The following AOC3 variants were observed in gnomAD, a reference collection of about 807,000 sequenced individuals.
AOC3 encodes the protein amine oxidase [copper-containing] 3.
Under a neutral mutation model 55.4 loss-of-function variants are expected in AOC3, and 47 were observed. That is an observed-to-expected ratio of 0.85 (90% CI 0.67 to 1.08). The LOEUF (loss-of-function observed/expected upper bound fraction) is 1.08. AOC3 is among the 50% of genes least tolerant of loss of function. The probability of loss-of-function intolerance (pLI) is 0.00; values close to 1 mark genes in which losing one functional copy is unlikely to be tolerated. For synonymous variants in AOC3, 386 were observed against 410.7 expected (o/e 0.94, Z 0.73); for missense variants, 853 against 993.1 (o/e 0.86, Z 1.90).
rs913278167 is a variant in AOC3, at chr17:42,857,017, C to G, written c.*467C>G. On this transcript the variant is annotated 3_prime_UTR_variant, in exon 4 of 4. Coordinates refer to ENST00000308423, the MANE Select transcript of AOC3 (RefSeq NM_003734.4). ...TCCAGGTCCTTTCCTTCTCGTCTTC[C>G]TCTCTCTCACCTACTTCCTCCTCCT... is the stretch of plus-strand genomic sequence containing the variant. 1 of 164,368 alleles carries G rather than the reference C, an allele frequency of 6.1e-6. No individual in the cohort carries two copies. Among genetic ancestry groups the G allele is most frequent in the African/African-American group, 2.4e-5 (1 of 41,642 alleles). The allele number at this position is 164,368 out of a possible 1,614,324, so 10.2% of individuals were successfully genotyped here. A position where few individuals can be genotyped will look rare whatever the true frequency, so the allele number is the denominator to read the frequency against.
rs2055766649 is a variant in AOC3 at position 42,857,614 on chromosome 17, T to TAGTGGGGAGGGGCCTGGCCTG, written c.*1065_*1085dup. 1 of 152,228 alleles carries TAGTGGGGAGGGGCCTGGCCTG rather than the reference T, an allele frequency of 6.6e-6. No homozygotes were observed. The highest frequency in any genetic ancestry group is 2.4e-5 in the African/African-American group (1 of 41,406). The allele number at this position is 152,228 out of a possible 1,614,324, so 9.4% of individuals were successfully genotyped here. A position where few individuals can be genotyped will look rare whatever the true frequency, so the allele number is the denominator to read the frequency against. ...CCCTGGGTGAGGTGGGGGTCTGGCC[T>TAGTGGGGAGGGGCCTGGCCTG]AGTGGGGAGGGGCCTGGCCTGGGTG... is the stretch of plus-strand genomic sequence containing the variant. On this transcript the variant is annotated 3_prime_UTR_variant, in exon 4 of 4. Coordinates refer to ENST00000308423, the MANE Select transcript of AOC3 (RefSeq NM_003734.4).
In AOC3 at chr17:42,852,631, T is replaced by C. The variant is rs1235315477; in HGVS notation, c.1288T>C (p.Cys430Arg). 1 of 1,614,194 alleles carries C rather than the reference T, an allele frequency of 6.2e-7. No individual in the cohort carries two copies. ...CCCCAAGACAATACGTGATGCCTTT[T>C]GTGTGTTTGAACAGAACCAGGGCCT... ...QAPKTIRDAFCVFEQNQGLPL... is the reference protein window; with the variant it reads ...QAPKTIRDAFRVFEQNQGLPL... The change falls in exon 1 of 4, where the codon TGT becomes CGT. Residue 430 changes from cysteine to arginine, a missense_variant. Cys to Arg is a radical substitution (Grantham distance 180). Coordinates refer to ENST00000308423, the MANE Select transcript of AOC3 (RefSeq NM_003734.4).
At chr17:42,854,973 A>C (rs1435039256) in intron 2 of AOC3, among the ~76,000 whole-genome samples, 1 of 147,334 alleles carries the variant, frequency 6.8e-6, no homozygotes, top group Non-Finnish European at 1.5e-5. Context: ...CAGCCTCCCC[A>C]GTAGCTGGGA....
Position 42,854,649 on chromosome 17 carries a change from G to C in AOC3, c.1802G>C (p.Arg601Pro). The C allele has an allele frequency of 6.4e-7, 1 of 1,552,788 alleles. No homozygotes were observed. The highest frequency in any genetic ancestry group is 8.7e-7 in the Non-Finnish European group (1 of 1,144,990). The change falls in exon 2 of 4, where the codon CGG (arginine) becomes CCG (proline). Residue 601 changes from arginine (R) to proline (P), a missense_variant. Transcript: ENST00000308423. Reference sequence around the variant, plus strand: ...CACAGCAACAAGTGGGGTCACCCCCGGGGCTACCGCATCCAGATGCTCAGC... The same window carrying C: ...CACAGCAACAAGTGGGGTCACCCCCCGGGCTACCGCATCCAGATGCTCAGC... ...SNHSNKWGHP[R>P]GYRIQMLSFA...
chr17:42,852,710 C>A lies in AOC3; in HGVS notation c.1367C>A (p.Ala456Glu). The change falls in exon 1 of 4, where the codon GCG (alanine) becomes GAG (glutamate). Residue 456 changes from alanine (A) to glutamate (E), a missense_variant. By Grantham distance (107) the Ala-to-Glu change is moderately radical. Transcript: ENST00000308423. The stretch of plus-strand genomic sequence containing the variant: ...TACTCGCACTACTTTGGGGGTCTTG[C>A]GGAAACGGTGCTGGTCGTCAGATCT... ...DLYSHYFGGL[A>E]ETVLVVRSMS... The A allele has an allele frequency of 6.2e-7, 1 of 1,614,210 alleles. No individual in the cohort carries two copies. Among genetic ancestry groups the A allele is most frequent in the South Asian group, 1.1e-5 (1 of 91,080 alleles).
Position 42,856,734 on chromosome 17 carries a change from C to T in AOC3, c.*184C>T. 3 of 682,120 alleles carry T rather than the reference C, an allele frequency of 4.4e-6. No individual in the cohort carries two copies. Among genetic ancestry groups the T allele is most frequent in the Non-Finnish European group, 7.3e-6 (3 of 411,314 alleles). 42.3% of individuals were successfully genotyped at this position (682,120 alleles called of 1,614,324 possible). The stretch of plus-strand genomic sequence containing the variant: ...CCTCCTGACCCTGTGATGCCTGACA[C>T]AGGGGACACTGAACCTTGTTGATGC... On this transcript the variant is annotated 3_prime_UTR_variant, in exon 4 of 4. Transcript: ENST00000308423.
Position 42,851,949 on chromosome 17 carries a change from G to C in AOC3, c.606G>C (p.Lys202Asn), listed in dbSNP as rs760324086. The change falls in exon 1 of 4, where the codon AAG becomes AAC. Residue 202 changes from lysine to asparagine, a missense_variant. Transcript: ENST00000308423. Reference sequence around the variant, plus strand: ...TTCTCCACCACTGTTGCTTCTACAAGCACCGGGGACGGAACCTGGTGACAA... The same window carrying C: ...TTCTCCACCACTGTTGCTTCTACAACCACCGGGGACGGAACCTGGTGACAA... ...SGLLHHCCFY[K>N]HRGRNLVTMT... is the part of the protein sequence containing the mutation. The C allele has an allele frequency of 6.2e-7, 1 of 1,613,780 alleles. No individual in the cohort carries two copies. The highest frequency in any genetic ancestry group is 1.1e-5 in the South Asian group (1 of 91,080).
intron 1 of AOC3, 87 bp downstream of exon 1, chr17:42,853,030 A>G (rs2144296634): frequency 6.8e-7 from 1 of 1,472,404 alleles, no homozygotes; most frequent in Non-Finnish European, 9.1e-7. Context: ...AGATTATCCC[A>G]GAAAGGAAGA....
chr17:42,852,575 T>A lies in AOC3; in HGVS notation c.1232T>A (p.Val411Glu). ...GVDCPYLATY[V>E]DWHFLLESQA... The stretch of plus-strand genomic sequence containing the variant: ...GACTGCCCCTACTTGGCCACCTACG[T>A]GGACTGGCACTTCCTTTTGGAGTCC... The change falls in exon 1 of 4, where the codon GTG becomes GAG. Residue 411 changes from valine to glutamate, a missense_variant. By Grantham distance (121) the Val-to-Glu change is moderately radical (BLOSUM62 -2). Transcript: ENST00000308423. The A allele has an allele frequency of 6.2e-7, 1 of 1,614,228 alleles. No homozygotes were observed. The highest frequency in any genetic ancestry group is 8.5e-7 in the Non-Finnish European group (1 of 1,180,032).
Position 42,854,502 on chromosome 17 carries a change from C to G in AOC3, c.1655C>G (p.Pro552Arg). The change falls in exon 2 of 4, where the codon CCC becomes CGC. Residue 552 changes from proline (P) to arginine (R), a missense_variant. By Grantham distance (103) the Pro-to-Arg change is moderately radical. Transcript: ENST00000308423. ...ATGGTCTTTGTCCCCATGGCTGTGC[C>G]CTGGAGCCCTGAGCACCAGCTGCAG... is the stretch of plus-strand genomic sequence containing the variant. ...EDMVFVPMAVPWSPEHQLQRL... is the reference protein window; with the variant it reads ...EDMVFVPMAVRWSPEHQLQRL... The G allele has an allele frequency of 1.2e-6, 2 of 1,601,458 alleles. No homozygotes were observed. The highest frequency in any genetic ancestry group is 1.7e-5 in the Admixed American group (1 of 59,024).
rs772365934 is a variant in AOC3 at position 42,855,528 on chromosome 17, T to A, written c.1971T>A (p.Thr657=). Residue 657 remains threonine, a synonymous_variant, in exon 3 of 4, where the codon ACT becomes ACA. Transcript: ENST00000308423. Reference sequence around the variant, plus strand: ...ATCAGAATGACCCTTGGGCCCCCACTGTGGATTTCAGTGACTTCATCAACA... The same window carrying A: ...ATCAGAATGACCCTTGGGCCCCCACAGTGGATTTCAGTGACTTCATCAACA... ...VFNQNDPWAP[T]VDFSDFINNE... is the part of the protein sequence containing the mutation. 1 of 1,614,096 alleles carries A rather than the reference T, an allele frequency of 6.2e-7. No individual in the cohort carries two copies. The highest frequency in any genetic ancestry group is 8.5e-7 in the Non-Finnish European group (1 of 1,180,016).
At position 42,851,273 on chromosome 17, in the gene AOC3, G is replaced by GC. The variant is rs918260845; in HGVS notation, c.-66dup. The GC allele has an allele frequency of 5.4e-6, 8 of 1,494,858 alleles. No homozygotes were observed. In the African/African-American group the frequency reaches 9.8e-5, roughly 18 times the overall value. 92.6% of individuals were successfully genotyped at this position (1,494,858 alleles called of 1,614,324 possible). ...CCCACCCCGTCCAGGAGCCAACAGA[G>GC]CCCCCGTCTTGCTGGCGTGAGAATA... On this transcript the variant is annotated 5_prime_UTR_variant, in exon 1 of 4. Coordinates refer to ENST00000308423, the MANE Select transcript of AOC3 (RefSeq NM_003734.4).
rs1246954110 is a variant in AOC3, at chr17:42,852,235, G to A, written c.892G>A (p.Gly298Arg). The A allele has an allele frequency of 1.2e-6, 2 of 1,613,530 alleles. No individual in the cohort carries two copies. The highest frequency in any genetic ancestry group is 1.7e-6 in the Non-Finnish European group (2 of 1,179,892). Residue 298 changes from glycine to arginine, a missense_variant, in exon 1 of 4, where the codon GGG becomes AGG. By Grantham distance (125) the Gly-to-Arg change is moderately radical. Transcript: ENST00000308423. ...GCTGATCCCAGACAATGGCACAGGTGGGTCCTGGTCCCTGAAGTCCCCTGT... is the reference window on the plus strand; with the variant it reads ...GCTGATCCCAGACAATGGCACAGGTAGGTCCTGGTCCCTGAAGTCCCCTGT... Reference protein sequence around the residue: ...VVLIPDNGTGGSWSLKSPVPP... With the variant: ...VVLIPDNGTGRSWSLKSPVPP...
At chr17:42,854,949 C>T (rs763534243) in intron 2 of AOC3, among the ~76,000 whole-genome samples, 10 of 151,020 alleles carry the variant, frequency 6.6e-5, no homozygotes, top group Non-Finnish European at 1.3e-4. Context: ...CAGTTTCAAG[C>T]GATTCTCCTG....
rs35696523 is a variant in AOC3 at position 42,853,179 on chromosome 17, C to G, written c.1600+236C>G. 4.2e-3 allele frequency: 5,793 copies of G among 1,366,078 alleles called. 192 individuals are homozygous for G. The African/African-American group carries it at 0.074, about 17-fold the overall frequency. The allele number at this position is 1,366,078 out of a possible 1,614,324, so 84.6% of individuals were successfully genotyped here. On this transcript the variant is annotated intron_variant, in intron 1 of 3. Coordinates refer to ENST00000308423, the MANE Select transcript of AOC3 (RefSeq NM_003734.4). ...TCATCCAAAGATCTTGGGAAATGGCCGAGCTCAGGGAGGAGGCAGGATTTG... is the reference window on the plus strand; with the variant it reads ...TCATCCAAAGATCTTGGGAAATGGCGGAGCTCAGGGAGGAGGCAGGATTTG...
chr17:42,854,660 A>T lies in AOC3; in HGVS notation c.1813A>T (p.Ile605Phe). 6.5e-7 allele frequency: 1 copy of T among 1,537,252 alleles called. No homozygotes were observed. Among genetic ancestry groups the T allele is most frequent in the Non-Finnish European group, 8.8e-7 (1 of 1,136,580 alleles). Residue 605 changes from isoleucine (I) to phenylalanine (F), a missense_variant, in exon 2 of 4, where the codon ATC (isoleucine) becomes TTC (phenylalanine). Ile to Phe is a conservative substitution (Grantham distance 21, BLOSUM62 0). Coordinates refer to ENST00000308423, the MANE Select transcript of AOC3 (RefSeq NM_003734.4). ...NKWGHPRGYR[I>F]QMLSFAGEPL... ...GTGGGGTCACCCCCGGGGCTACCGC[A>T]TCCAGATGCTCAGCTTTGCTGGAGA...
chr17:42,854,509 C>A lies in AOC3; in HGVS notation c.1662C>A (p.Ser554Arg), dbSNP rs1222422973. ...TTGTCCCCATGGCTGTGCCCTGGAG[C>A]CCTGAGCACCAGCTGCAGAGGCTGC... ...MVFVPMAVPWSPEHQLQRLQV... is the reference protein window; with the variant it reads ...MVFVPMAVPWRPEHQLQRLQV... Residue 554 changes from serine to arginine, a missense_variant, in exon 2 of 4, where the codon AGC becomes AGA. By Grantham distance (110) the Ser-to-Arg change is moderately radical. Transcript: ENST00000308423. 3.7e-6 allele frequency: 6 copies of A among 1,604,980 alleles called. No homozygotes were observed. Among genetic ancestry groups the A allele is most frequent in the African/African-American group, 1.3e-5 (1 of 74,582 alleles).
chr17:42,857,544 C>A lies in AOC3; in HGVS notation c.*994C>A, dbSNP rs1020280423. 7 of 152,398 alleles carry A rather than the reference C, an allele frequency of 4.6e-5. No individual in the cohort carries two copies. The highest frequency in any genetic ancestry group is 1.4e-4 in the African/African-American group (6 of 41,540). 9.4% of individuals were successfully genotyped at this position (152,398 alleles called of 1,614,324 possible). ...GCCCCTACAACTCCAGCCACCCAGC[C>A]AGGAGGGGCTGTCCAATCACATTCA... On this transcript the variant is annotated 3_prime_UTR_variant, in exon 4 of 4. Coordinates refer to ENST00000308423, the MANE Select transcript of AOC3 (RefSeq NM_003734.4).
chr17:42,855,315 C>T (rs1044121619), intron 2 of AOC3, 129 bp from the exon 3 acceptor site: 3 of 1,297,854 alleles, frequency 2.3e-6, no homozygotes, highest in East Asian at 2.5e-5. Flanking sequence ...GTCGGGGATT[C>T]TGTAGCGCCG....
Sources: allele counts gnomAD v4.1 joint callset (sites outside exome capture counted in the v4.1 genomes callset), GRCh38; gene constraint gnomAD v4.1.1; transcripts MANE v1.5; gene names NCBI Gene and HGNC (gene_info 2026-07-23, HGNC 2026-07-21).